The following SMYD3 variants were observed in gnomAD, a reference collection of about 807,000 sequenced individuals.
SMYD3 encodes the protein SET and MYND domain containing 3, also known as histone-lysine N-methyltransferase SMYD3.
A neutral mutation model predicts 57.7 loss-of-function variants in SMYD3; 36 were observed. That is an observed-to-expected ratio of 0.62 (90% CI 0.48 to 0.82). The LOEUF (loss-of-function observed/expected upper bound fraction) is 0.82. SMYD3 is among the 40% of genes least tolerant of loss of function. The pLI, the probability that SMYD3 is intolerant of heterozygous loss-of-function variation, is 0.00. For missense variants in SMYD3, 515 were observed against 538.8 expected (o/e 0.96, Z 0.44); for synonymous variants, 211 against 195.0 (o/e 1.08, Z -0.68).
intron 5 of SMYD3, among the ~76,000 whole-genome samples, chr1:246,121,720 T>C (rs1320206072): frequency 6.6e-6 from 1 of 152,136 alleles, no homozygotes; most frequent in African/African-American, 2.4e-5. Flanking sequence ...ACAAAATGAC[T>C]GTTGCAGGAA....
chr1:246,077,782 T>C (rs902222834), intron 5 of SMYD3, among the ~76,000 whole-genome samples: 1 of 152,098 alleles, frequency 6.6e-6, no homozygotes. Context: ...ACAGTTCTCA[T>C]CCCACAGGAT....
At chr1:245,961,207 G>A (rs1384291020) in intron 5 of SMYD3, among the ~76,000 whole-genome samples, 4 of 152,164 alleles carry the variant, frequency 2.6e-5, no homozygotes, top group Admixed American at 6.5e-5. Flanking sequence ...CAGCAGAGCC[G>A]CACATGCTCT....
At chr1:246,169,407 TC>T (rs2062286274) in intron 5 of SMYD3, among the ~76,000 whole-genome samples, 1 of 68,912 alleles carries the variant, frequency 1.5e-5, no homozygotes, top group Non-Finnish European at 3.0e-5. Flanking sequence ...AAAAAAAACC[TC>T]TAACAATATA....
At chr1:245,863,687 C>A in intron 9 of SMYD3, 112 bp downstream of exon 9, 1 of 881,720 alleles carries the variant, frequency 1.1e-6, no homozygotes, top group South Asian at 1.6e-5. Context: ...AGAATGAAAA[C>A]CACTGGCTCA....
chr1:245,828,556 C>A (rs1036785749), intron 10 of SMYD3, among the ~76,000 whole-genome samples: 9 of 151,948 alleles, frequency 5.9e-5, no homozygotes, highest in South Asian at 2.1e-4. Flanking sequence ...GTTTAATAGA[C>A]AAATAATAAT....
rs202187497 is a variant in SMYD3 at position 246,121,428 on chromosome 1, T to G, written c.532-191491A>C. ...CTATGAATTTTGAAATTCCTTCCAT[T>G]TTGCAAAAAAAAAAAAAAAAAAAAA... On this transcript the variant is annotated intron_variant, in intron 5 of 11. Transcript: ENST00000490107. Among the ~76,000 whole-genome samples the G allele has an allele frequency of 7.3e-4, 58 of 79,642 alleles. 1 individual carries two copies. The East Asian group carries it at 0.013, about 18-fold the overall frequency. 52.2% of individuals were successfully genotyped at this position (79,642 alleles called of 152,430 possible).
chr1:245,921,279 C>T (rs946629442), intron 7 of SMYD3, among the ~76,000 whole-genome samples: 2 of 152,046 alleles, frequency 1.3e-5, no homozygotes, highest in Non-Finnish European at 2.9e-5. Flanking sequence ...CCAAAAATAA[C>T]AAATGTTGGT....
chr1:245,860,781 G>A (rs1411395470), intron 9 of SMYD3, among the ~76,000 whole-genome samples: 1 of 152,220 alleles, frequency 6.6e-6, no homozygotes, highest in Non-Finnish European at 1.5e-5. Context: ...ACAGATTGCT[G>A]GGCTAACCTC....
At chr1:245,814,472 A>G in intron 10 of SMYD3, 1 of 814,800 alleles carries the variant, frequency 1.2e-6, no homozygotes, top group Non-Finnish European at 1.5e-6. Context: ...AAATAAATAA[A>G]ATAAAAAGAA....
At chr1:245,900,136 A>G (rs2054087442) in intron 8 of SMYD3, among the ~76,000 whole-genome samples, 1 of 152,130 alleles carries the variant, frequency 6.6e-6, no homozygotes. Context: ...ATATTAAACG[A>G]ATCTTTAGCT....
At chr1:245,777,326 C>T (rs749987096) in intron 10 of SMYD3, among the ~76,000 whole-genome samples, 4 of 152,082 alleles carry the variant, frequency 2.6e-5, no homozygotes, top group Non-Finnish European at 4.4e-5. Flanking sequence ...AAAATGAGTA[C>T]AAAACTAGTC....
chr1:246,086,306 T>C (rs907707721), intron 5 of SMYD3, among the ~76,000 whole-genome samples: 2 of 151,288 alleles, frequency 1.3e-5, no homozygotes, highest in African/African-American at 4.9e-5. Context: ...CTGCTTCAAG[T>C]GAATCTTTCT....
At chr1:245,956,579 T>C (rs1471154163) in intron 5 of SMYD3, among the ~76,000 whole-genome samples, 1 of 152,148 alleles carries the variant, frequency 6.6e-6, no homozygotes, top group African/African-American at 2.4e-5. Context: ...TCACAAGAAT[T>C]CCTTTCTTCT....
chr1:246,397,446 G>A (rs2066691789), intron 1 of SMYD3, among the ~76,000 whole-genome samples: 1 of 152,074 alleles, frequency 6.6e-6, no homozygotes, highest in African/African-American at 2.4e-5. Flanking sequence ...GATACCTTTT[G>A]TGCTCTCGGT....
chr1:246,311,283 G>A (rs1484011087), intron 5 of SMYD3, among the ~76,000 whole-genome samples: 2 of 152,144 alleles, frequency 1.3e-5, no homozygotes, highest in African/African-American at 4.8e-5. Context: ...TGACTCTGAG[G>A]TGGCAGAAAG....
intron 5 of SMYD3, among the ~76,000 whole-genome samples, chr1:246,281,743 G>C (rs187036468): frequency 1.3e-5 from 2 of 152,118 alleles, no homozygotes; most frequent in South Asian, 4.1e-4. Flanking sequence ...AAACAGTGGA[G>C]GAAAAGAAAG....
chr1:246,213,881 T>C (rs905699394), intron 5 of SMYD3, among the ~76,000 whole-genome samples: 4 of 152,174 alleles, frequency 2.6e-5, no homozygotes, highest in African/African-American at 9.7e-5. Flanking sequence ...AAGAAGAACC[T>C]TTCTGAAGCA....
intron 5 of SMYD3, among the ~76,000 whole-genome samples, chr1:246,126,916 G>A (rs2061518208): frequency 6.6e-6 from 1 of 152,032 alleles, no homozygotes. Flanking sequence ...TTTATGTGTA[G>A]AGGCAGTTAT....
At chr1:246,345,200 C>T (rs10924698) in intron 2 of SMYD3, among the ~76,000 whole-genome samples, 83,258 of 151,834 alleles carry the variant, frequency 0.55, 23,650 homozygotes, top group Middle Eastern at 0.71. Flanking sequence ...ATAGTTTTAG[C>T]CTTTAAGTTT....
Sources: gnomAD v4.1 joint callset for allele counts (sites outside exome capture counted in the v4.1 genomes callset) on GRCh38, gnomAD v4.1.1 for gene constraint, MANE v1.5 for transcripts, NCBI Gene and HGNC (gene_info 2026-07-23, HGNC 2026-07-21) for gene names.